Variants in PRAMEF20 observed in about 807,000 individuals in gnomAD.
The protein encoded by PRAMEF20 is PRAME family member 20/21.
In PRAMEF20, 27 loss-of-function variants were observed where a neutral mutation model predicts 32.4. The ratio of observed to expected loss-of-function variants is 0.83; its 90% CI spans 0.61 to 1.15. The LOEUF (loss-of-function observed/expected upper bound fraction) is 1.15, where lower values mean the gene tolerates loss of function less well. Ranked by LOEUF, PRAMEF20 falls within the 50% of genes most tolerant of loss-of-function variation. The pLI, the probability that PRAMEF20 is intolerant of heterozygous loss-of-function variation, is 0.00. For synonymous variants in PRAMEF20, 256 were observed against 235.4 expected, an observed-to-expected ratio of 1.09 and a Z score of -0.80; for missense variants, 604 against 584.5, an observed-to-expected ratio of 1.03 and a Z score of -0.34.
upstream of PRAMEF20, among the ~76,000 whole-genome samples, chr1:13,414,068 C>G (rs1641137857): frequency 6.6e-6 from 1 of 151,904 alleles, no homozygotes. Context: ...TTGAGAAGGA[C>G]TCTCATTCTG....
exon 2 of PRAMEF20, chr1:13,418,263 A>G: frequency 6.2e-7 from 1 of 1,613,876 alleles, no homozygotes; most frequent in Non-Finnish European, 8.5e-7. Flanking sequence ...GGATGAGAGG[A>G]CAGCAGCCCT....
At chr1:13,416,434 C>A (rs1557476237) in exon 1 of PRAMEF20, 15 of 1,613,956 alleles carry the variant, frequency 9.3e-6, no homozygotes, top group Non-Finnish European at 1.3e-5. Flanking sequence ...GCCATCTCCA[C>A]CCTGGAGGAG....
intron 2 of PRAMEF20, among the ~76,000 whole-genome samples, chr1:13,419,776 A>G (rs1307068063): frequency 1.3e-5 from 2 of 152,138 alleles, no homozygotes; most frequent in Non-Finnish European, 2.9e-5. Context: ...TGAAGTGGGC[A>G]CTGAAGAGGG....
At chr1:13,414,187 A>AC (rs1284921810), upstream of PRAMEF20, among the ~76,000 whole-genome samples, 1 of 142,238 alleles carries the variant, frequency 7.0e-6, no homozygotes, top group East Asian at 2.1e-4. Flanking sequence ...GACTACAGGC[A>AC]CCCGCCATCA....
At chr1:13,418,125 G>C in exon 2 of PRAMEF20, 2 of 1,612,190 alleles carry the variant, frequency 1.2e-6, no homozygotes, top group South Asian at 2.2e-5. Context: ...TCCTCAGGAG[G>C]TGGAAACTTC....
At chr1:13,415,438 C>T (rs1022549789), upstream of PRAMEF20, among the ~76,000 whole-genome samples, 2 of 152,034 alleles carry the variant, frequency 1.3e-5, no homozygotes, top group Admixed American at 6.6e-5. Context: ...CTCTGTCTTG[C>T]GAATGATCCA....
chr1:13,412,798 C>T (rs913857674), upstream of PRAMEF20, among the ~76,000 whole-genome samples: 5 of 152,092 alleles, frequency 3.3e-5, no homozygotes, highest in South Asian at 2.1e-4. Context: ...GGGGTGCATG[C>T]CTGTAATCCC....
chr1:13,417,248 A>G (rs1383145436), intron 1 of PRAMEF20, among the ~76,000 whole-genome samples: 1 of 151,918 alleles, frequency 6.6e-6, no homozygotes, highest in Non-Finnish European at 1.5e-5. Context: ...TTTCTGTCCT[A>G]TCAGAGTGCC....
intron 1 of PRAMEF20, 139 bp downstream of exon 2, chr1:13,416,780 G>A: frequency 6.5e-7 from 1 of 1,548,304 alleles, no homozygotes; most frequent in South Asian, 1.2e-5. Flanking sequence ...AGAGGCCTTG[G>A]CCATTGCCCA....
exon 1 of PRAMEF20, chr1:13,416,602 A>T: frequency 1.9e-6 from 3 of 1,614,052 alleles, no homozygotes; most frequent in Non-Finnish European, 1.7e-6. Context: ...GCTGTGCTCG[A>T]TGGGCTTGAT....
chr1:13,421,225 T>G, exon 3 of PRAMEF20: 2 of 1,613,934 alleles, frequency 1.2e-6, no homozygotes, highest in Non-Finnish European at 1.7e-6. Flanking sequence ...ACAGGTCACT[T>G]TACGACCTGG....
Position 13,420,932 on chromosome 1 carries a change from G to A in PRAMEF20, c.1102G>A (p.Ala368Thr), listed in dbSNP as rs904309797. 9.9e-6 allele frequency: 16 copies of A among 1,613,558 alleles called. No individual in the cohort carries two copies. In the East Asian group the frequency reaches 1.1e-4, roughly 11 times the overall value. The change falls in exon 3 of 3, where the codon GCC becomes ACC. Residue 368 changes from alanine (A) to threonine (T), a missense_variant. By Grantham distance (58) the Ala-to-Thr change is moderately conservative. Coordinates refer to ENST00000602960, the Ensembl canonical transcript of PRAMEF20. ...TGGCATCGTAGACTCCCAAGTCAAC[G>A]CCATCCTGCCTGCCCTGAGCCGCTG...
chr1:13,421,145 G>A (rs1641239303), exon 3 of PRAMEF20: 1 of 1,613,818 alleles, frequency 6.2e-7, no homozygotes, highest in African/African-American at 1.3e-5. Flanking sequence ...TGAGCTGATG[G>A]GGAGAGTGAG....
At chr1:13,419,066 T>A (rs1641215014) in intron 2 of PRAMEF20, among the ~76,000 whole-genome samples, 1 of 152,128 alleles carries the variant, frequency 6.6e-6, no homozygotes, top group Non-Finnish European at 1.5e-5. Context: ...AGCAAGAGGA[T>A]AATTTGAGCC....
intron 2 of PRAMEF20, 61 bp downstream of exon 3, chr1:13,418,761 G>C (rs1428870397): frequency 7.5e-6 from 12 of 1,608,600 alleles, no homozygotes; most frequent in Non-Finnish European, 1.0e-5. Context: ...GTTACAGGGG[G>C]CATCTACTGT....
exon 1 of PRAMEF20, chr1:13,416,413 A>T: frequency 1.2e-6 from 2 of 1,613,714 alleles, no homozygotes. Context: ...CTGCTGAGGG[A>T]CGAGGCCTTG....
At chr1:13,416,480 G>A (rs1224663543) in exon 1 of PRAMEF20, 17 of 1,614,120 alleles carry the variant, frequency 1.1e-5, no homozygotes, top group Middle Eastern at 1.7e-4. Flanking sequence ...TGTTCATGGA[G>A]GCCTTCAGCA....
chr1:13,417,729 G>C (rs1398627312), intron 1 of PRAMEF20, among the ~76,000 whole-genome samples: 1 of 131,098 alleles, frequency 7.6e-6, no homozygotes, highest in Non-Finnish European at 1.6e-5. Flanking sequence ...GTTCAGAAGT[G>C]AGTCCTTTTT....
Position 13,420,725 on chromosome 1 carries a change from G to A in PRAMEF20, c.895G>A (p.Ala299Thr), listed in dbSNP as rs911126408. ...TCTAAAGACCTCGTTAAACATCCTCGCAATAACTAACTGTGTGCTTTTGGA... is the reference window on the plus strand; with the variant it reads ...TCTAAAGACCTCGTTAAACATCCTCACAATAACTAACTGTGTGCTTTTGGA... Residue 299 changes from alanine to threonine, a missense_variant, in exon 3 of 3, where the codon GCA becomes ACA. Transcript: ENST00000602960. 2.8e-5 allele frequency: 45 copies of A among 1,613,722 alleles called. No homozygotes were observed. In the East Asian group the frequency reaches 3.6e-4, roughly 13 times the overall value.
Sources: gnomAD v4.1 joint callset for allele counts (sites outside exome capture counted in the v4.1 genomes callset) on GRCh38, gnomAD v4.1.1 for gene constraint, MANE v1.5 for transcripts, NCBI Gene and HGNC (gene_info 2026-07-23, HGNC 2026-07-21) for gene names.